BCKDHB: variants seen among roughly 807,000 people sequenced by gnomAD.
The protein encoded by BCKDHB is 2-oxoisovalerate dehydrogenase subunit beta, mitochondrial.
Under a neutral mutation model 48.5 loss-of-function variants are expected in BCKDHB, and 41 were observed. The ratio of observed to expected loss-of-function variants is 0.85; its 90% CI spans 0.66 to 1.10. BCKDHB has a LOEUF of 1.10. Among genes scored for constraint, BCKDHB ranks in the 50% least tolerant of loss-of-function variants. The probability of loss-of-function intolerance (pLI) is 0.00; values close to 1 mark genes in which losing one functional copy is unlikely to be tolerated. For synonymous variants in BCKDHB, 201 were observed against 174.8 expected (o/e 1.15, Z -1.18); for missense variants, 496 against 494.2 (o/e 1.00, Z -0.03).
chr6:80,379,412 A>G, the BCKDHB span, among the ~76,000 whole-genome samples: 1 of 152,020 alleles, frequency 6.6e-6, no homozygotes, highest in Non-Finnish European at 1.5e-5. Context: ...ATTTTAACAA[A>G]CCCTCAACAA....
chr6:80,122,413 C>G (rs1047875723), intron 1 of BCKDHB, among the ~76,000 whole-genome samples: 1 of 151,972 alleles, frequency 6.6e-6, no homozygotes, highest in Non-Finnish European at 1.5e-5. Context: ...TGGAATAGTT[C>G]CAGAAGGTGT....
At chr6:80,264,014 ATTTTT>A (rs1050632977) in intron 8 of BCKDHB, among the ~76,000 whole-genome samples, 1 of 152,076 alleles carries the variant, frequency 6.6e-6, no homozygotes. Flanking sequence ...TCATTTTTCA[ATTTTT>A]TTTAGAAAAG....
At chr6:80,172,702 A>G (rs894566453) in intron 6 of BCKDHB, among the ~76,000 whole-genome samples, 20 of 152,156 alleles carry the variant, frequency 1.3e-4, no homozygotes, top group African/African-American at 4.8e-4. Flanking sequence ...ATAGATCACA[A>G]TTAATTCATG....
the BCKDHB span, among the ~76,000 whole-genome samples, chr6:80,416,785 T>A: frequency 0.022 from 3,317 of 151,400 alleles, 130 homozygotes; most frequent in African/African-American, 0.074. Flanking sequence ...TTTTTTTTAA[T>A]TTTATTATTA....
In BCKDHB at chr6:80,346,074, A is replaced by C. The variant is rs1050133689; in HGVS notation, c.*2270A>C. On this transcript the variant is annotated 3_prime_UTR_variant, in exon 10 of 10. Coordinates refer to ENST00000320393, the MANE Select transcript of BCKDHB (RefSeq NM_183050.4). ...CTTTTTGAAAAGAGAGTTTTTATTA[A>C]GTGAACCATCACGATATTGGCTGAA... The C allele has an allele frequency of 2.6e-5, 4 of 152,158 alleles. No homozygotes were observed. Among genetic ancestry groups the C allele is most frequent in the African/African-American group, 9.7e-5 (4 of 41,448 alleles). The allele number at this position is 152,158 out of a possible 1,614,324, so 9.4% of individuals were successfully genotyped here.
chr6:80,249,459 T>TA (rs1376042210), intron 8 of BCKDHB, among the ~76,000 whole-genome samples: 1 of 152,144 alleles, frequency 6.6e-6, no homozygotes, highest in Non-Finnish European at 1.5e-5. Flanking sequence ...AAAGTACAGA[T>TA]AGCTGCTAGA....
At chr6:80,265,122 T>C (rs990183387) in intron 8 of BCKDHB, among the ~76,000 whole-genome samples, 5 of 152,106 alleles carry the variant, frequency 3.3e-5, no homozygotes, top group African/African-American at 1.2e-4. Flanking sequence ...TGTAAAATGG[T>C]ATAGCCTCTG....
intron 5 of BCKDHB, 46 bp downstream of exon 5, chr6:80,169,076 A>G: frequency 6.3e-7 from 1 of 1,590,188 alleles, no homozygotes; most frequent in South Asian, 1.1e-5. Flanking sequence ...TGATGTTTCC[A>G]TTTTGATTCA....
At chr6:80,203,495 G>C (rs1774496951) in intron 8 of BCKDHB, among the ~76,000 whole-genome samples, 1 of 152,064 alleles carries the variant, frequency 6.6e-6, no homozygotes, top group African/African-American at 2.4e-5. Context: ...GTGAGTCATA[G>C]AGCATATCAA....
the BCKDHB span, among the ~76,000 whole-genome samples, chr6:80,431,069 C>T: frequency 1.3e-5 from 2 of 152,122 alleles, no homozygotes; most frequent in Non-Finnish European, 1.5e-5. Context: ...GCCTTCATTT[C>T]ATTATTTACC....
At chr6:80,262,890 A>G (rs1341871396) in intron 8 of BCKDHB, among the ~76,000 whole-genome samples, 2 of 152,218 alleles carry the variant, frequency 1.3e-5, no homozygotes, top group Non-Finnish European at 2.9e-5. Context: ...TATAATAGAC[A>G]GAAACATGTT....
At chr6:80,287,937 G>T (rs563488416) in intron 9 of BCKDHB, among the ~76,000 whole-genome samples, 2 of 152,190 alleles carry the variant, frequency 1.3e-5, no homozygotes, top group South Asian at 4.1e-4. Flanking sequence ...AGGTTTCTTT[G>T]CCAGTAGCTA....
chr6:80,395,394 T>G, the BCKDHB span, among the ~76,000 whole-genome samples: 3 of 152,192 alleles, frequency 2.0e-5, no homozygotes, highest in East Asian at 5.8e-4. Context: ...CAGGCTGAGG[T>G]GATGTCAGAT....
intron 9 of BCKDHB, among the ~76,000 whole-genome samples, chr6:80,341,072 G>A (rs931429662): frequency 1.3e-5 from 2 of 152,262 alleles, no homozygotes; most frequent in East Asian, 3.9e-4. Flanking sequence ...ATTTCAAGCT[G>A]TTTCAGTCAG....
intron 1 of BCKDHB, among the ~76,000 whole-genome samples, chr6:80,121,666 G>A (rs1770027611): frequency 6.6e-6 from 1 of 151,386 alleles, no homozygotes; most frequent in South Asian, 2.1e-4. Flanking sequence ...CTCTGTTAAT[G>A]GTGTATAGGA....
chr6:80,448,610 T>A, the BCKDHB span, among the ~76,000 whole-genome samples: 1 of 152,208 alleles, frequency 6.6e-6, no homozygotes, highest in East Asian at 1.9e-4. Flanking sequence ...TAATTTTTTA[T>A]TGTATTAATA....
chr6:80,462,860 ATTT>A, the BCKDHB span: 5 of 152,150 alleles, frequency 3.3e-5, no homozygotes, highest in Non-Finnish European at 7.3e-5. Flanking sequence ...GCTTGAAATT[ATTT>A]GTCTATAGTT....
At chr6:80,126,124 CG>C (rs1770327760) in intron 1 of BCKDHB, among the ~76,000 whole-genome samples, 1 of 152,058 alleles carries the variant, frequency 6.6e-6, no homozygotes, top group Non-Finnish European at 1.5e-5. Context: ...TGAGTAAATT[CG>C]TATTATCTCC....
intron 8 of BCKDHB, among the ~76,000 whole-genome samples, chr6:80,207,848 A>G (rs1026701097): frequency 1.3e-5 from 2 of 151,964 alleles, no homozygotes; most frequent in East Asian, 1.9e-4. Flanking sequence ...TTGAAAATAA[A>G]TAAAGCCATA....
Sources: gnomAD v4.1 joint callset for allele counts (sites outside exome capture counted in the v4.1 genomes callset) on GRCh38, gnomAD v4.1.1 for gene constraint, MANE v1.5 for transcripts, NCBI Gene and HGNC (gene_info 2026-07-23, HGNC 2026-07-21) for gene names.